Variants in CNTN5 observed in about 807,000 individuals in gnomAD.
CNTN5 encodes the protein contactin-5.
A neutral mutation model predicts 129.1 loss-of-function variants in CNTN5; 77 were observed. That is an observed-to-expected ratio of 0.60 (90% CI 0.50 to 0.72). The LOEUF (loss-of-function observed/expected upper bound fraction) is 0.72, where lower values mean the gene tolerates loss of function less well. CNTN5 is among the 30% of genes least tolerant of loss of function. CNTN5 has a pLI of 0.00. For synonymous variants in CNTN5, 509 were observed against 465.6 expected (o/e 1.09, Z -1.20); for missense variants, 1,478 against 1,328.8 (o/e 1.11, Z -1.75).
At position 99,685,810 on chromosome 11, in the gene CNTN5, C is replaced by A. The variant is rs369264996; in HGVS notation, c.55+129541C>A. On this transcript the variant is annotated intron_variant, in intron 3 of 24. Coordinates refer to ENST00000524871, the MANE Select transcript of CNTN5 (RefSeq NM_014361.4). ...TTCTGTTTAATTTCCTACTGAAATA[C>A]TTGGATTCAAATCATCTACATTTTA... 4.0e-3 allele frequency among the ~76,000 whole-genome samples: 611 copies of A among 152,040 alleles called. 5 individuals are homozygous for A. The highest frequency in any genetic ancestry group is 0.013 in the African/African-American group (532 of 41,532).
chr11:99,649,149 A>T (rs1033778696), intron 3 of CNTN5, among the ~76,000 whole-genome samples: 3 of 151,454 alleles, frequency 2.0e-5, no homozygotes, highest in Admixed American at 6.6e-5. Flanking sequence ...ACATCACTGT[A>T]TGCCCCATAA....
intron 3 of CNTN5, among the ~76,000 whole-genome samples, chr11:99,810,271 C>CA (rs1565556908): frequency 6.6e-6 from 1 of 152,102 alleles, no homozygotes; most frequent in Non-Finnish European, 1.5e-5. Flanking sequence ...ATTATGACTA[C>CA]AAATATTTAC....
intron 1 of CNTN5, among the ~76,000 whole-genome samples, chr11:99,067,605 G>A (rs1047648503): frequency 1.6e-4 from 25 of 152,120 alleles, no homozygotes; most frequent in Admixed American, 5.2e-4. Context: ...GTATTCAGAA[G>A]AGGAGAAGTA....
intron 3 of CNTN5, among the ~76,000 whole-genome samples, chr11:99,731,103 G>A (rs117900383): frequency 0.027 from 4,157 of 151,708 alleles, 71 homozygotes; most frequent in Non-Finnish European, 0.043. Context: ...CTGGAAATCA[G>A]CATTTTTTTT....
chr11:99,903,586 G>C (rs543329049), intron 6 of CNTN5, among the ~76,000 whole-genome samples: 1 of 152,258 alleles, frequency 6.6e-6, no homozygotes, highest in Non-Finnish European at 1.5e-5. Context: ...GCTGTTCTAA[G>C]TAGAGTCTAG....
At chr11:100,065,943 G>C (rs1943675962) in intron 10 of CNTN5, among the ~76,000 whole-genome samples, 1 of 151,830 alleles carries the variant, frequency 6.6e-6, no homozygotes, top group South Asian at 2.1e-4. Context: ...ATTTACTCTA[G>C]GAAATGATAT....
intron 16 of CNTN5, among the ~76,000 whole-genome samples, chr11:100,251,680 C>G (rs1278665311): frequency 6.6e-6 from 1 of 152,062 alleles, no homozygotes; most frequent in Non-Finnish European, 1.5e-5. Flanking sequence ...GTTTAACTTT[C>G]TCTTCCTGGC....
chr11:99,970,882 C>G (rs1030526527), intron 8 of CNTN5, among the ~76,000 whole-genome samples: 1 of 152,106 alleles, frequency 6.6e-6, no homozygotes. Flanking sequence ...GTTTTTCACT[C>G]CAAGCCTTCC....
intron 2 of CNTN5, among the ~76,000 whole-genome samples, chr11:99,358,293 A>C (rs1591569010): frequency 1.1e-5 from 1 of 88,266 alleles, no homozygotes; most frequent in African/African-American, 4.3e-5. Context: ...ATGGGGTTTC[A>C]CCGTGTTAGC....
intron 6 of CNTN5, among the ~76,000 whole-genome samples, chr11:99,853,227 T>C (rs544069339): frequency 9.4e-4 from 143 of 152,198 alleles, no homozygotes; most frequent in African/African-American, 3.4e-3. Context: ...TATTATGCAT[T>C]GACTTTATTC....
chr11:99,856,594 C>T (rs1358717197), intron 6 of CNTN5, among the ~76,000 whole-genome samples: 3 of 132,582 alleles, frequency 2.3e-5, no homozygotes, highest in Non-Finnish European at 4.8e-5. Context: ...GCACTGTGCA[C>T]TTTATTCTTG....
intron 2 of CNTN5, among the ~76,000 whole-genome samples, chr11:99,349,917 T>C (rs551550912): frequency 1.1e-4 from 17 of 152,210 alleles, no homozygotes; most frequent in South Asian, 6.2e-4. Flanking sequence ...GCAAAAATGT[T>C]GTCATTTTCT....
At chr11:99,346,544 T>A (rs987963470) in intron 2 of CNTN5, among the ~76,000 whole-genome samples, 1 of 152,312 alleles carries the variant, frequency 6.6e-6, no homozygotes, top group South Asian at 2.1e-4. Flanking sequence ...CCACAAGGTG[T>A]ACCCTGCTGG....
Position 99,111,292 on chromosome 11 carries a change from T to TTG in CNTN5, c.-210+90034_-210+90035dup, listed in dbSNP as rs199700733. 1.3e-4 allele frequency among the ~76,000 whole-genome samples: 20 copies of TTG among 151,504 alleles called. No individual in the cohort carries two copies. In the East Asian group the frequency reaches 3.5e-3, roughly 26 times the overall value. ...CTCTTTGTCTATAAGTGGTGTGTGTTTGTGTGTGTGTGTAGGTGTGTGTGT... is the reference window on the plus strand; with the variant it reads ...CTCTTTGTCTATAAGTGGTGTGTGTTTGTGTGTGTGTGTGTAGGTGTGTGTGT... On this transcript the variant is annotated intron_variant, in intron 1 of 24. Transcript: ENST00000524871.
intron 3 of CNTN5, among the ~76,000 whole-genome samples, chr11:99,602,501 T>G (rs1950345215): frequency 6.6e-6 from 1 of 152,124 alleles, no homozygotes; most frequent in African/African-American, 2.4e-5. Context: ...TCAGGCACAT[T>G]TCTGGCTACT....
intron 4 of CNTN5, among the ~76,000 whole-genome samples, chr11:99,843,819 C>G (rs947108220): frequency 2.0e-5 from 3 of 152,084 alleles, no homozygotes; most frequent in Non-Finnish European, 2.9e-5. Context: ...TGATCTAGGG[C>G]TATTATGTGA....
At chr11:99,809,318 T>C (rs1465937455) in intron 3 of CNTN5, among the ~76,000 whole-genome samples, 1 of 152,200 alleles carries the variant, frequency 6.6e-6, no homozygotes, top group Admixed American at 6.6e-5. Flanking sequence ...ATTCCATGAT[T>C]ATAAAGTGAT....
chr11:99,708,448 G>A (rs1220485340), intron 3 of CNTN5, among the ~76,000 whole-genome samples: 1 of 151,642 alleles, frequency 6.6e-6, no homozygotes, highest in African/African-American at 2.4e-5. Context: ...ACATGAAACT[G>A]GAAGATTCAA....
At chr11:99,667,123 T>C (rs1035591300) in intron 3 of CNTN5, among the ~76,000 whole-genome samples, 14 of 152,166 alleles carry the variant, frequency 9.2e-5, no homozygotes, top group Non-Finnish European at 1.8e-4. Context: ...TTGTATTATT[T>C]TATGGATTTA....
Sources: gnomAD v4.1 joint callset for allele counts (sites outside exome capture counted in the v4.1 genomes callset) on GRCh38, gnomAD v4.1.1 for gene constraint, MANE v1.5 for transcripts, NCBI Gene and HGNC (gene_info 2026-07-23, HGNC 2026-07-21) for gene names.